CCK: variants seen among roughly 807,000 people sequenced by gnomAD.
The protein encoded by CCK is cholecystokinin triacontatriapeptide.
A neutral mutation model predicts 10.1 loss-of-function variants in CCK; 11 were observed. The observed-to-expected ratio is 1.09, with a 90% CI of 0.69 to 1.81. The LOEUF (loss-of-function observed/expected upper bound fraction) is 1.81. CCK is among the 40% of genes most tolerant of loss of function. The probability of loss-of-function intolerance (pLI) is 0.00; values close to 1 mark genes in which losing one functional copy is unlikely to be tolerated. For synonymous variants in CCK, 83 were observed against 71.9 expected (o/e 1.15, Z -0.78); for missense variants, 137 against 159.9 (o/e 0.86, Z 0.77).
intron 4 of CCK, among the ~76,000 whole-genome samples, chr3:42,260,704 G>T (rs1479920268): frequency 6.6e-6 from 1 of 152,224 alleles, no homozygotes; most frequent in African/African-American, 2.4e-5. Context: ...TGGAAAGCTA[G>T]CCTCGGGACT....
Position 42,263,454 on chromosome 3 carries a change from G to T in CCK, c.177C>A (p.Gly59=), listed in dbSNP as rs768121796. 7.4e-6 allele frequency: 12 copies of T among 1,614,138 alleles called. No homozygotes were observed. The East Asian group carries it at 2.7e-4, about 36-fold the overall frequency. The change falls in exon 4 of 5, where the codon GGC becomes GGA. Residue 59 remains glycine, a synonymous_variant. Transcript: ENST00000396169. ...RTDGESRAHL[G]ALLARYIQQA... ...GCTGGATGTATCTTGCCAGCAGGGCGCCCAGGTGCGCTCGGGACTCGCCAT... is the reference window on the plus strand; with the variant it reads ...GCTGGATGTATCTTGCCAGCAGGGCTCCCAGGTGCGCTCGGGACTCGCCAT...
At chr3:42,264,010 T>G (rs997336320) in intron 3 of CCK, 3 of 192,346 alleles carry the variant, frequency 1.6e-5, no homozygotes, top group Admixed American at 6.0e-5. Context: ...AAAAATATCC[T>G]AAAGGGAAGA....
At position 42,258,173 on chromosome 3, in the gene CCK, C is replaced by G. The variant is rs1014200320; in HGVS notation, c.273G>C (p.Arg91Ser). The change falls in exon 5 of 5, where the codon AGG becomes AGC. Residue 91 changes from arginine to serine, a missense_variant. Arg to Ser is a moderately radical substitution (Grantham distance 110). Transcript: ENST00000396169. ...KNLQNLDPSH[R>S]ISDRDYMGWM... ...AGCCCATGTAGTCCCGGTCACTTAT[C>G]CTGTGGCTGGGGTCCAGGTTCTGCA... 1.9e-6 allele frequency: 3 copies of G among 1,613,934 alleles called. No individual in the cohort carries two copies. The African/African-American group carries it at 4.0e-5, about 22-fold the overall frequency.
At chr3:42,263,259 AC>A (rs1711240416) in intron 4 of CCK, 157 bp downstream of exon 4, 1 of 1,096,836 alleles carries the variant, frequency 9.1e-7, no homozygotes, top group Non-Finnish European at 1.4e-6. Flanking sequence ...AGTCCTCCAT[AC>A]CCCTTCTCAG....
At chr3:42,261,436 C>T (rs1443914871) in intron 4 of CCK, among the ~76,000 whole-genome samples, 2 of 152,060 alleles carry the variant, frequency 1.3e-5, no homozygotes, top group Non-Finnish European at 2.9e-5. Context: ...TAGGTGTTGG[C>T]ATCTAAATTT....
At chr3:42,263,152 A>C (rs975698539) in intron 4 of CCK, 1 of 576,920 alleles carries the variant, frequency 1.7e-6, no homozygotes, top group African/African-American at 1.9e-5. Flanking sequence ...ATTATCTTTT[A>C]ATGGCTTGGT....
In CCK at chr3:42,257,967, G is replaced by C; in HGVS notation, c.*131C>G. On this transcript the variant is annotated 3_prime_UTR_variant, in exon 5 of 5. Transcript: ENST00000396169. ...ATCTTACAGACACATTTTTCACATTGAGAACTTAATAAATAGATACATACA... is the reference window on the plus strand; with the variant it reads ...ATCTTACAGACACATTTTTCACATTCAGAACTTAATAAATAGATACATACA... The C allele has an allele frequency of 1.0e-6, 1 of 975,422 alleles. No individual in the cohort carries two copies. Among genetic ancestry groups the C allele is most frequent in the South Asian group, 1.9e-5 (1 of 53,202 alleles). The allele number at this position is 975,422 out of a possible 1,614,324, so 60.4% of individuals were successfully genotyped here. A position where few individuals can be genotyped will look rare whatever the true frequency, so the allele number is the denominator to read the frequency against.
rs1293503258 is a variant in CCK, at chr3:42,259,528, G to A, written c.215-1297C>T. ...AATGATATTCAGAAAAAGACTGTCG[G>A]ATTAAATCTTGGCACCTCAGTAAGA... On this transcript the variant is annotated intron_variant, in intron 4 of 4. Coordinates refer to ENST00000396169, the MANE Select transcript of CCK (RefSeq NM_000729.6). 2.6e-5 allele frequency among the ~76,000 whole-genome samples: 4 copies of A among 152,090 alleles called. No individual in the cohort carries two copies. The South Asian group carries it at 6.2e-4, about 24-fold the overall frequency.
intron 3 of CCK, among the ~76,000 whole-genome samples, chr3:42,264,242 C>G (rs1711257256): frequency 6.6e-6 from 1 of 152,268 alleles, no homozygotes; most frequent in African/African-American, 2.4e-5. Flanking sequence ...AAATATGTGC[C>G]CAGCGCTCAG....
At chr3:42,259,355 AATAG>A (rs1248760273) in intron 4 of CCK, among the ~76,000 whole-genome samples, 1 of 152,230 alleles carries the variant, frequency 6.6e-6, no homozygotes, top group Non-Finnish European at 1.5e-5. Flanking sequence ...TATAATAAAA[AATAG>A]ATAAATAAAG....
chr3:42,261,938 A>T lies in CCK; in HGVS notation c.214+1479T>A, dbSNP rs529745187. On this transcript the variant is annotated intron_variant, in intron 4 of 4. Transcript: ENST00000396169. ...AATTTAATTAGCAGGAAAGCAAAACACAAGGTGGTGGGTGGGGCAATTTCC... is the reference window on the plus strand; with the variant it reads ...AATTTAATTAGCAGGAAAGCAAAACTCAAGGTGGTGGGTGGGGCAATTTCC... Among the ~76,000 whole-genome samples, 10 of 152,324 alleles carry T rather than the reference A, an allele frequency of 6.6e-5. No individual in the cohort carries two copies. The South Asian group carries it at 1.9e-3, about 28-fold the overall frequency.
Position 42,258,172 on chromosome 3 carries a change from T to C in CCK, c.274A>G (p.Ile92Val). ...NLQNLDPSHR[I>V]SDRDYMGWMD... ...CAGCCCATGTAGTCCCGGTCACTTA[T>C]CCTGTGGCTGGGGTCCAGGTTCTGC... is the stretch of plus-strand genomic sequence containing the variant. Residue 92 changes from isoleucine to valine, a missense_variant, in exon 5 of 5, where the codon ATA becomes GTA. By Grantham distance (29) the Ile-to-Val change is conservative. Transcript: ENST00000396169. 6.2e-7 allele frequency: 1 copy of C among 1,614,094 alleles called. No individual in the cohort carries two copies. The highest frequency in any genetic ancestry group is 1.3e-5 in the African/African-American group (1 of 75,036).
chr3:42,263,201 T>C, intron 4 of CCK: 5 of 686,314 alleles, frequency 7.3e-6, no homozygotes, highest in South Asian at 5.1e-5. Context: ...CTGCTAAAAA[T>C]TAGTTCAAAG....
At chr3:42,261,608 CTTTTTTTTTT>C (rs3073696) in intron 4 of CCK, among the ~76,000 whole-genome samples, 1 of 145,620 alleles carries the variant, frequency 6.9e-6, no homozygotes, top group Non-Finnish European at 1.5e-5. Context: ...TGGTAATGAG[CTTTTTTTTTT>C]TTCTTTTTTT....
chr3:42,264,163 T>C (rs919043257), intron 3 of CCK, among the ~76,000 whole-genome samples: 1 of 6,608 alleles, frequency 1.5e-4, no homozygotes, highest in Admixed American at 1.6e-3. Context: ...TTTATAAAGT[T>C]TTTCTCAAAG....
intron 3 of CCK, 169 bp from the exon 4 acceptor site, chr3:42,263,801 T>C: frequency 8.2e-7 from 1 of 1,221,314 alleles, no homozygotes; most frequent in Non-Finnish European, 1.1e-6. Flanking sequence ...CCGAGTGCCA[T>C]GGCGCGCGCC....
intron 4 of CCK, 80 bp downstream of exon 4, chr3:42,263,337 G>A (rs1475262980): frequency 1.2e-6 from 2 of 1,604,858 alleles, no homozygotes; most frequent in African/African-American, 2.7e-5. Context: ...TCCCCATCAG[G>A]CTAGCGCTAG....
At chr3:42,258,726 T>A (rs1187332420) in intron 4 of CCK, among the ~76,000 whole-genome samples, 1 of 152,142 alleles carries the variant, frequency 6.6e-6, no homozygotes, top group Non-Finnish European at 1.5e-5. Flanking sequence ...TATCTTGATG[T>A]TGGAATGGTT....
At chr3:42,261,675 G>A (rs1440538711) in intron 4 of CCK, among the ~76,000 whole-genome samples, 1 of 150,954 alleles carries the variant, frequency 6.6e-6, no homozygotes, top group African/African-American at 2.4e-5. Context: ...CACATTTCAG[G>A]CCTTTTTGCA....
Sources: gnomAD v4.1 joint callset for allele counts (sites outside exome capture counted in the v4.1 genomes callset) on GRCh38, gnomAD v4.1.1 for gene constraint, MANE v1.5 for transcripts, NCBI Gene and HGNC (gene_info 2026-07-23, HGNC 2026-07-21) for gene names.